SAXO1: variants seen among roughly 807,000 people sequenced by gnomAD.
The protein encoded by SAXO1 is 4930500O09Rik.
A neutral mutation model predicts 17.5 loss-of-function variants in SAXO1; 21 were observed. The ratio of observed to expected loss-of-function variants is 1.20; its 90% CI spans 0.85 to 1.72. SAXO1 has a LOEUF of 1.72. Among genes scored for constraint, SAXO1 ranks in the 40% most tolerant of loss-of-function variants. The pLI is 0.00. For missense variants in SAXO1, 843 were observed against 596.0 expected (o/e 1.41, Z -4.32); for synonymous variants, 274 against 216.5 (o/e 1.27, Z -2.33).
intron 1 of SAXO1, among the ~76,000 whole-genome samples, chr9:18,953,932 AG>A (rs1007630072): frequency 2.6e-5 from 4 of 152,226 alleles, no homozygotes; most frequent in Middle Eastern, 3.2e-3. Context: ...TAGTATCTAA[AG>A]AAAGTTTGTA....
At chr9:19,003,479 C>G (rs1343847094) in intron 1 of SAXO1, among the ~76,000 whole-genome samples, 2 of 152,168 alleles carry the variant, frequency 1.3e-5, no homozygotes, top group Non-Finnish European at 2.9e-5. Flanking sequence ...CATCATGCTA[C>G]CTGACTTCAA....
chr9:18,956,449 T>C (rs1832262230), intron 1 of SAXO1, among the ~76,000 whole-genome samples: 1 of 152,128 alleles, frequency 6.6e-6, no homozygotes, highest in Non-Finnish European at 1.5e-5. Context: ...AGGATACTTA[T>C]GACTTGTCTT....
intron 1 of SAXO1, among the ~76,000 whole-genome samples, chr9:19,006,480 C>G (rs940933869): frequency 6.6e-6 from 1 of 152,256 alleles, no homozygotes; most frequent in South Asian, 2.1e-4. Flanking sequence ...ATGAGTGAAC[C>G]TTAGAGACAA....
chr9:19,046,045 G>C (rs1481925563), intron 1 of SAXO1, among the ~76,000 whole-genome samples: 1 of 136,210 alleles, frequency 7.3e-6, no homozygotes, highest in South Asian at 2.2e-4. Context: ...CAGAGATTGC[G>C]CCGTTGCGCC....
intron 1 of SAXO1, among the ~76,000 whole-genome samples, chr9:18,989,275 T>A (rs1434426366): frequency 6.6e-6 from 1 of 152,194 alleles, no homozygotes; most frequent in East Asian, 1.9e-4. Flanking sequence ...TAAGTGAAAC[T>A]GAAGAGCAGG....
chr9:19,013,528 C>G (rs1309053498), intron 1 of SAXO1, among the ~76,000 whole-genome samples: 2 of 145,304 alleles, frequency 1.4e-5, no homozygotes, highest in Non-Finnish European at 3.0e-5. Context: ...TCAGAAGAAA[C>G]TAAAAGTACG....
chr9:18,978,915 G>C (rs1205880479), intron 1 of SAXO1, among the ~76,000 whole-genome samples: 2 of 152,110 alleles, frequency 1.3e-5, no homozygotes, highest in African/African-American at 4.8e-5. Context: ...TCTTTTCAAA[G>C]AAAGTTTACT....
At position 19,032,935 on chromosome 9, in the gene SAXO1, C is replaced by A. The variant is rs1470576461; in HGVS notation, c.-27G>T. 6.2e-7 allele frequency: 1 copy of A among 1,601,642 alleles called. No homozygotes were observed. The highest frequency in any genetic ancestry group is 8.5e-7 in the Non-Finnish European group (1 of 1,176,582). ...GGGGCGATCCTGAGGCCCTGACGTC[C>A]CCTCAGAGCATCGCCAGCTGCAGCC... On this transcript the variant is annotated 5_prime_UTR_variant, in exon 1 of 4. Coordinates refer to ENST00000380534, the MANE Select transcript of SAXO1 (RefSeq NM_153707.4).
At chr9:18,965,574 C>CTTTT (rs57731971) in intron 1 of SAXO1, among the ~76,000 whole-genome samples, 25,909 of 150,296 alleles carry the variant, frequency 0.17, 4,825 homozygotes, top group African/African-American at 0.48. Context: ...GCAACCCCTG[C>CTTTT]TTTTTTTTTC....
upstream of SAXO1, among the ~76,000 whole-genome samples, chr9:19,036,092 C>A (rs1835928025): frequency 9.3e-6 from 1 of 107,860 alleles, no homozygotes; most frequent in African/African-American, 3.6e-5. Flanking sequence ...ACATCACACA[C>A]TGGGGCCTGG....
chr9:19,002,776 C>G (rs563428643), intron 1 of SAXO1, among the ~76,000 whole-genome samples: 59 of 152,320 alleles, frequency 3.9e-4, no homozygotes, highest in Non-Finnish European at 3.2e-4. Context: ...GACAAACCCA[C>G]AGCCAATATC....
chr9:18,981,761 G>C (rs1449981897), intron 1 of SAXO1, among the ~76,000 whole-genome samples: 1 of 151,952 alleles, frequency 6.6e-6, no homozygotes, highest in African/African-American at 2.4e-5. Flanking sequence ...CCTCACAAGT[G>C]AATAAAAAAT....
chr9:18,966,774 T>G (rs1481478763), intron 1 of SAXO1, among the ~76,000 whole-genome samples: 1 of 152,184 alleles, frequency 6.6e-6, no homozygotes, highest in Non-Finnish European at 1.5e-5. Flanking sequence ...CTGTCTAGTT[T>G]TGTTCCTTTA....
chr9:18,958,832 G>A (rs1052798745), intron 1 of SAXO1, among the ~76,000 whole-genome samples: 3 of 149,308 alleles, frequency 2.0e-5, no homozygotes, highest in African/African-American at 4.9e-5. Context: ...GAACAACAAC[G>A]AAGCCATAAA....
intron 2 of SAXO1, among the ~76,000 whole-genome samples, chr9:18,943,537 C>G (rs1036614634): frequency 5.3e-5 from 8 of 152,290 alleles, no homozygotes; most frequent in African/African-American, 1.9e-4. Context: ...CCAGAAAACT[C>G]CATCTGAAAA....
intron 1 of SAXO1, among the ~76,000 whole-genome samples, chr9:19,007,269 C>G (rs931012925): frequency 6.6e-6 from 1 of 152,064 alleles, no homozygotes; most frequent in Non-Finnish European, 1.5e-5. Flanking sequence ...ATCGCTTGAA[C>G]CCGGGAGGCA....
At chr9:19,022,333 G>T (rs542708915) in intron 1 of SAXO1, among the ~76,000 whole-genome samples, 1 of 152,350 alleles carries the variant, frequency 6.6e-6, no homozygotes, top group African/African-American at 2.4e-5. Flanking sequence ...CATTCACTGC[G>T]AGAGTCTGCG....
intron 3 of SAXO1, among the ~76,000 whole-genome samples, chr9:18,929,784 A>G (rs7871348): frequency 0.18 from 28,145 of 152,164 alleles, 2,921 homozygotes; most frequent in African/African-American, 0.26. Flanking sequence ...AAATGAGGGA[A>G]TTTGTCCCAG....
intron 1 of SAXO1, among the ~76,000 whole-genome samples, chr9:18,956,577 A>T (rs767626965): frequency 5.3e-5 from 8 of 152,164 alleles, no homozygotes; most frequent in Non-Finnish European, 1.2e-4. Flanking sequence ...AGGCAGGAAG[A>T]TCTGGTTCCA....
Sources: gnomAD v4.1 joint callset for allele counts (sites outside exome capture counted in the v4.1 genomes callset) on GRCh38, gnomAD v4.1.1 for gene constraint, MANE v1.5 for transcripts, NCBI Gene and HGNC (gene_info 2026-07-23, HGNC 2026-07-21) for gene names.